The following TSHZ2 variants were observed in gnomAD, a reference collection of about 807,000 sequenced individuals.
TSHZ2 encodes the protein teashirt zinc finger homeobox 2.
A neutral mutation model predicts 74.4 loss-of-function variants in TSHZ2; 21 were observed. That is an observed-to-expected ratio of 0.28 (90% CI 0.20 to 0.41). The LOEUF (loss-of-function observed/expected upper bound fraction) is 0.41. Among genes scored for constraint, TSHZ2 ranks in the 10% least tolerant of loss-of-function variants. The probability of loss-of-function intolerance (pLI) is 1.00; values close to 1 mark genes in which losing one functional copy is unlikely to be tolerated. For synonymous variants in TSHZ2, 540 were observed against 515.3 expected (o/e 1.05, Z -0.65); for missense variants, 1,244 against 1,293.5 (o/e 0.96, Z 0.59).
intron 2 of TSHZ2, among the ~76,000 whole-genome samples, chr20:53,397,032 A>T (rs1982475919): frequency 6.6e-6 from 1 of 152,110 alleles, no homozygotes; most frequent in African/African-American, 2.4e-5. Flanking sequence ...CTAGAAGAAA[A>T]CCTAGGCAAT....
At chr20:53,184,048 C>T (rs6068477) in intron 1 of TSHZ2, among the ~76,000 whole-genome samples, 27,740 of 152,122 alleles carry the variant, frequency 0.18, 2,630 homozygotes, top group African/African-American at 0.23. Context: ...AGTTCCCTCT[C>T]AGTCGCTTCA....
chr20:53,158,035 C>G (rs1987837760), intron 1 of TSHZ2, among the ~76,000 whole-genome samples: 1 of 152,016 alleles, frequency 6.6e-6, no homozygotes, highest in African/African-American at 2.4e-5. Context: ...GTGGATTAGT[C>G]AAGGAAGATC....
At chr20:53,461,121 C>T (rs1417661881) in intron 2 of TSHZ2, among the ~76,000 whole-genome samples, 120 of 152,236 alleles carry the variant, frequency 7.9e-4, no homozygotes, top group African/African-American at 2.7e-3. Flanking sequence ...TGGGCAATGG[C>T]GGGCGCCCCT....
intron 1 of TSHZ2, among the ~76,000 whole-genome samples, chr20:53,228,983 G>A (rs1236626570): frequency 6.6e-6 from 1 of 152,172 alleles, no homozygotes; most frequent in African/African-American, 2.4e-5. Flanking sequence ...TCATTCTTCA[G>A]ATCAGTTTTC....
chr20:53,102,948 C>T (rs964384153), intron 1 of TSHZ2, among the ~76,000 whole-genome samples: 2 of 151,850 alleles, frequency 1.3e-5, no homozygotes, highest in African/African-American at 4.8e-5. Flanking sequence ...TATACATGTG[C>T]CATGCTGGTG....
At chr20:53,410,676 C>A (rs1983024509) in intron 2 of TSHZ2, among the ~76,000 whole-genome samples, 1 of 147,814 alleles carries the variant, frequency 6.8e-6, no homozygotes, top group African/African-American at 2.5e-5. Context: ...TGATCATAAG[C>A]ACCTTTTTTT....
chr20:53,109,534 T>C (rs1310839277), intron 1 of TSHZ2, among the ~76,000 whole-genome samples: 3 of 152,232 alleles, frequency 2.0e-5, no homozygotes, highest in Non-Finnish European at 2.9e-5. Context: ...GAAGACGTAG[T>C]TGCATGGCCC....
intron 2 of TSHZ2, among the ~76,000 whole-genome samples, chr20:53,337,896 A>T (rs1007472538): frequency 3.3e-5 from 5 of 152,234 alleles, no homozygotes; most frequent in African/African-American, 1.2e-4. Flanking sequence ...CTGTCATGTG[A>T]GTTGCTTAGT....
chr20:53,261,375 A>G (rs919509932), intron 2 of TSHZ2, among the ~76,000 whole-genome samples: 1 of 152,226 alleles, frequency 6.6e-6, no homozygotes, highest in African/African-American at 2.4e-5. Context: ...TACATTTGCC[A>G]TATGGTGTCT....
intron 1 of TSHZ2, among the ~76,000 whole-genome samples, chr20:53,118,283 G>A (rs1600699527): frequency 6.6e-6 from 1 of 152,234 alleles, no homozygotes; most frequent in Middle Eastern, 3.4e-3. Context: ...TAGGGGAGCG[G>A]GGTGGGAAGA....
At chr20:53,322,049 G>A (rs894950890) in intron 2 of TSHZ2, among the ~76,000 whole-genome samples, 1 of 152,200 alleles carries the variant, frequency 6.6e-6, no homozygotes, top group African/African-American at 2.4e-5. Flanking sequence ...TGGGCCGGTG[G>A]ATCTCAGCAC....
chr20:53,448,498 A>G (rs1984647590), intron 2 of TSHZ2, among the ~76,000 whole-genome samples: 1 of 152,156 alleles, frequency 6.6e-6, no homozygotes. Context: ...AACTTTCTCA[A>G]GTTTTAAGAC....
intron 1 of TSHZ2, among the ~76,000 whole-genome samples, chr20:53,051,255 C>G (rs1984449168): frequency 6.6e-6 from 1 of 152,136 alleles, no homozygotes; most frequent in South Asian, 2.1e-4. Context: ...AGAAGACCTG[C>G]TTGAACCCAG....
chr20:53,360,984 G>A (rs555421105), intron 2 of TSHZ2, among the ~76,000 whole-genome samples: 6 of 152,232 alleles, frequency 3.9e-5, no homozygotes, highest in South Asian at 2.1e-4. Flanking sequence ...GGGCTAGTTC[G>A]GGCTTTTCTT....
intron 1 of TSHZ2, among the ~76,000 whole-genome samples, chr20:53,221,410 A>G (rs553790225): frequency 6.6e-6 from 1 of 152,176 alleles, no homozygotes; most frequent in African/African-American, 2.4e-5. Flanking sequence ...TACTGTGGGT[A>G]TCTATAGGGG....
intron 2 of TSHZ2, among the ~76,000 whole-genome samples, chr20:53,432,174 C>T (rs1366581264): frequency 1.3e-5 from 2 of 152,202 alleles, no homozygotes; most frequent in Admixed American, 1.3e-4. Context: ...ATTCTGCATG[C>T]CTTCACTCAC....
At chr20:53,309,734 T>C (rs1441763729) in intron 2 of TSHZ2, among the ~76,000 whole-genome samples, 1 of 152,206 alleles carries the variant, frequency 6.6e-6, no homozygotes, top group East Asian at 1.9e-4. Context: ...CCATGAGATG[T>C]TGGATCTCAG....
chr20:53,363,751 C>T (rs1189473323), intron 2 of TSHZ2, among the ~76,000 whole-genome samples: 2 of 152,104 alleles, frequency 1.3e-5, no homozygotes, highest in East Asian at 1.9e-4. Context: ...AAGTCAAGGT[C>T]GCAGTAAGCC....
intron 2 of TSHZ2, among the ~76,000 whole-genome samples, chr20:53,327,212 C>G (rs1254933746): frequency 1.3e-5 from 2 of 152,226 alleles, no homozygotes; most frequent in Admixed American, 1.3e-4. Context: ...ACATACAGGT[C>G]ACAAGTTGTT....
Sources: allele counts gnomAD v4.1 joint callset (sites outside exome capture counted in the v4.1 genomes callset), GRCh38; gene constraint gnomAD v4.1.1; transcripts MANE v1.5; gene names NCBI Gene and HGNC (gene_info 2026-07-23, HGNC 2026-07-21).